ANK3: variants seen among roughly 807,000 people sequenced by gnomAD.
The protein encoded by ANK3 is ankyrin 3.
In ANK3, 57 loss-of-function variants were observed where a neutral mutation model predicts 370.9. The ratio of observed to expected loss-of-function variants is 0.15; its 90% CI spans 0.12 to 0.19. ANK3 has a LOEUF of 0.19. ANK3 is among the 10% of genes least tolerant of loss of function. The pLI is 1.00. For synonymous variants in ANK3, 1,929 were observed against 1,946.3 expected (o/e 0.99, Z 0.23); for missense variants, 4,439 against 5,302.1 (o/e 0.84, Z 5.06).
intron 1 of ANK3, among the ~76,000 whole-genome samples, chr10:60,688,100 C>G (rs544601890): frequency 6.6e-6 from 1 of 151,368 alleles, no homozygotes; most frequent in Non-Finnish European, 1.5e-5. Context: ...TTTTTTGAGA[C>G]CTTTCCTTAC....
At chr10:60,492,834 T>C (rs557080190) in intron 2 of ANK3, among the ~76,000 whole-genome samples, 1 of 151,210 alleles carries the variant, frequency 6.6e-6, no homozygotes, top group South Asian at 2.1e-4. Context: ...CCCAGCACTT[T>C]GGGAGGCCGA....
chr10:60,083,433 T>C, intron 33 of ANK3, 59 bp downstream of exon 33: 1 of 1,524,422 alleles, frequency 6.6e-7, no homozygotes, highest in Non-Finnish European at 8.9e-7. Context: ...CTTTTATTTT[T>C]ATTCTCTAAG....
chr10:60,615,607 C>T (rs958356378), intron 1 of ANK3, among the ~76,000 whole-genome samples: 8 of 152,040 alleles, frequency 5.3e-5, no homozygotes, highest in African/African-American at 1.2e-4. Flanking sequence ...TTTTTTCCTC[C>T]GCATGAAAAT....
chr10:60,672,550 A>T (rs1243043469), intron 1 of ANK3, among the ~76,000 whole-genome samples: 11 of 152,230 alleles, frequency 7.2e-5, no homozygotes, highest in Admixed American at 7.2e-4. Context: ...TCCCAACTCT[A>T]TGAAGACAGA....
chr10:60,439,190 G>A (rs1414138754), intron 2 of ANK3, among the ~76,000 whole-genome samples: 4 of 152,054 alleles, frequency 2.6e-5, no homozygotes, highest in East Asian at 1.9e-4. Context: ...CCTTGACTTC[G>A]AGACCTTAGC....
chr10:60,525,769 A>G (rs1427186531), intron 2 of ANK3, among the ~76,000 whole-genome samples: 2 of 152,132 alleles, frequency 1.3e-5, no homozygotes, highest in African/African-American at 4.8e-5. Flanking sequence ...GAATGCCCAC[A>G]TTATTCGTGT....
intron 2 of ANK3, among the ~76,000 whole-genome samples, chr10:60,563,242 A>G (rs2077380818): frequency 6.6e-6 from 1 of 152,182 alleles, no homozygotes; most frequent in African/African-American, 2.4e-5. Flanking sequence ...TATTTTTCCT[A>G]CCAAACTGAA....
chr10:60,424,764 C>T (rs2132960531), intron 2 of ANK3, among the ~76,000 whole-genome samples: 1 of 152,096 alleles, frequency 6.6e-6, no homozygotes, highest in East Asian at 1.9e-4. Context: ...GATAATATCC[C>T]TCTTATAGGT....
intron 43 of ANK3, among the ~76,000 whole-genome samples, chr10:60,032,717 A>G (rs1157602057): frequency 2.6e-5 from 4 of 152,154 alleles, no homozygotes; most frequent in African/African-American, 9.7e-5. Context: ...ATGCCCACTT[A>G]TATTCCAGTG....
At chr10:60,375,956 G>T (rs2132809142) in intron 1 of ANK3, among the ~76,000 whole-genome samples, 1 of 152,294 alleles carries the variant, frequency 6.6e-6, no homozygotes, top group South Asian at 2.1e-4. Context: ...AACATTTGTT[G>T]AATCACTGCA....
In ANK3 at chr10:60,042,593, T is replaced by G. The variant is rs1177814858; in HGVS notation, c.*19+79A>C. On this transcript the variant is annotated intron_variant, in intron 43 of 43. Coordinates refer to ENST00000280772, the MANE Select transcript of ANK3 (RefSeq NM_020987.5). ...AGTGAAAAGGAAAGGACGGGGAAAA[T>G]CAGAATCACTTATTTAGTGAAAAAT... 4 of 1,360,906 alleles carry G rather than the reference T, an allele frequency of 2.9e-6. No individual in the cohort carries two copies. In the Admixed American group the frequency reaches 8.4e-5, roughly 29 times the overall value. 84.3% of individuals were successfully genotyped at this position (1,360,906 alleles called of 1,614,324 possible). A position where few individuals can be genotyped will look rare whatever the true frequency, so the allele number is the denominator to read the frequency against.
At chr10:60,047,980 T>C (rs80303326) in intron 42 of ANK3, among the ~76,000 whole-genome samples, 17,853 of 152,062 alleles carry the variant, frequency 0.12, 1,292 homozygotes, top group Non-Finnish European at 0.16. Flanking sequence ...TTTGAAAACA[T>C]TAAATGTAAA....
At chr10:60,110,197 C>T (rs2092593229) in intron 26 of ANK3, among the ~76,000 whole-genome samples, 1 of 152,050 alleles carries the variant, frequency 6.6e-6, no homozygotes, top group Admixed American at 6.6e-5. Context: ...ATTTTAAGAC[C>T]TTGCATGGAC....
At chr10:60,723,509 G>A (rs10994482) in intron 1 of ANK3, among the ~76,000 whole-genome samples, 9,045 of 152,168 alleles carry the variant, frequency 0.059, 315 homozygotes, top group Middle Eastern at 0.1. Context: ...ATAAACAGGT[G>A]GACACTGGGG....
intron 1 of ANK3, among the ~76,000 whole-genome samples, chr10:60,313,394 C>T (rs2046759423): frequency 6.6e-6 from 1 of 152,158 alleles, no homozygotes; most frequent in Non-Finnish European, 1.5e-5. Context: ...AAGAGCCTCA[C>T]TTGACTCAAG....
At chr10:60,333,069 T>C (rs1368904796) in intron 1 of ANK3, among the ~76,000 whole-genome samples, 1 of 152,208 alleles carries the variant, frequency 6.6e-6, no homozygotes, top group Non-Finnish European at 1.5e-5. Context: ...TTTAATCTTT[T>C]TATTTTGATA....
intron 2 of ANK3, among the ~76,000 whole-genome samples, chr10:60,478,929 C>T (rs2075140709): frequency 6.6e-6 from 1 of 152,078 alleles, no homozygotes; most frequent in South Asian, 2.1e-4. Context: ...TAATGCTGTT[C>T]TTGGCATACG....
chr10:60,096,859 A>G (rs2090237029), intron 28 of ANK3, among the ~76,000 whole-genome samples: 2 of 152,222 alleles, frequency 1.3e-5, no homozygotes, highest in Admixed American at 1.3e-4. Context: ...GAAAAATGGC[A>G]TAAGTTGCTG....
intron 2 of ANK3, among the ~76,000 whole-genome samples, chr10:60,428,956 G>C (rs966625904): frequency 2.0e-5 from 3 of 152,086 alleles, no homozygotes; most frequent in East Asian, 1.9e-4. Flanking sequence ...CAGGAATAAG[G>C]GCTGCTTATT....
Sources: allele counts gnomAD v4.1 joint callset (sites outside exome capture counted in the v4.1 genomes callset), GRCh38; gene constraint gnomAD v4.1.1; transcripts MANE v1.5; gene names NCBI Gene and HGNC (gene_info 2026-07-23, HGNC 2026-07-21).